KAZN: variants seen among roughly 807,000 people sequenced by gnomAD.
KAZN encodes the protein kazrin.
In KAZN, 40 loss-of-function variants were observed where a neutral mutation model predicts 87.4. That is an observed-to-expected ratio of 0.46 (90% confidence interval 0.36 to 0.60). KAZN has a LOEUF of 0.60. Among genes scored for constraint, KAZN ranks in the 20% least tolerant of loss-of-function variants. The pLI is 0.00. For synonymous variants in KAZN, 466 were observed against 458.3 expected, an observed-to-expected ratio of 1.02 and a Z score of -0.22; for missense variants, 898 against 1,073.9, an observed-to-expected ratio of 0.84 and a Z score of 2.29.
chr1:14,704,726 C>T (rs901196313), intron 1 of KAZN, among the ~76,000 whole-genome samples: 9 of 152,170 alleles, frequency 5.9e-5, no homozygotes, highest in Non-Finnish European at 1.2e-4. Context: ...TGCTCCCTGC[C>T]ACAGGAGGGA....
intron 2 of KAZN, among the ~76,000 whole-genome samples, chr1:14,195,613 G>A (rs190477155): frequency 2.2e-3 from 331 of 151,746 alleles, no homozygotes; most frequent in Non-Finnish European, 4.0e-3. Flanking sequence ...CAATAAACTG[G>A]AAAACTTACA....
In KAZN at chr1:14,251,643, C is replaced by CTTTTTTTT. The variant is rs549092023; in HGVS notation, c.249+71069_249+71076dup. ...AGGCACAGTGAAAAGTTCTCCCGGA[C>CTTTTTTTT]TTTTTTTTTTTTTTTTTTTTTTTTT... On this transcript the variant is annotated intron_variant, in intron 2 of 16. Coordinates refer to the KAZN transcript ENST00000636203. Among the ~76,000 whole-genome samples, 214 of 90,338 alleles carry CTTTTTTTT rather than the reference C, an allele frequency of 2.4e-3. 27 individuals are homozygous for CTTTTTTTT. The highest frequency in any genetic ancestry group is 9.9e-3 in the African/African-American group (169 of 17,086). 59.3% of individuals were successfully genotyped at this position (90,338 alleles called of 152,430 possible). A position where few individuals can be genotyped will look rare whatever the true frequency, so the allele number is the denominator to read the frequency against.
At chr1:14,761,852 A>T (rs1217404023) in intron 1 of KAZN, among the ~76,000 whole-genome samples, 3 of 151,182 alleles carry the variant, frequency 2.0e-5, no homozygotes, top group South Asian at 2.1e-4. Context: ...TTAATTAAAG[A>T]GGGATTTAGG....
Position 14,948,234 on chromosome 1 carries a change from T to C in KAZN, c.227-12450T>C, listed in dbSNP as rs180828803. Among the ~76,000 whole-genome samples, 103 of 152,336 alleles carry C rather than the reference T, an allele frequency of 6.8e-4. 1 individual carries two copies. The highest frequency in any genetic ancestry group is 9.8e-4 in the Admixed American group (15 of 15,296). ...TAAATGAAAAAGGGAATAATTGGCT[T>C]ATGTAACTGAAAAGTTCAGGGATAG... is the stretch of plus-strand genomic sequence containing the variant. On this transcript the variant is annotated intron_variant, in intron 1 of 14. Transcript: ENST00000376030.
intron 1 of KAZN, among the ~76,000 whole-genome samples, chr1:13,981,089 T>TTA (rs1205017791): frequency 0.016 from 986 of 63,116 alleles, 124 homozygotes; most frequent in African/African-American, 0.036. Flanking sequence ...AAATTACTCT[T>TTA]TATATATATA....
At chr1:14,729,038 G>A (rs1023948191) in intron 1 of KAZN, among the ~76,000 whole-genome samples, 1 of 91,678 alleles carries the variant, frequency 1.1e-5, no homozygotes, top group African/African-American at 6.2e-5. Flanking sequence ...GTGACAGATG[G>A]AGAGTGGCCC....
chr1:15,072,944 T>TCCTTAATCCAG (rs1639578212), intron 8 of KAZN, among the ~76,000 whole-genome samples: 1 of 152,134 alleles, frequency 6.6e-6, no homozygotes, highest in Non-Finnish European at 1.5e-5. Flanking sequence ...AGGATTCAAC[T>TCCTTAATCCAG]CCTTAATCCA....
intron 2 of KAZN, among the ~76,000 whole-genome samples, chr1:14,563,331 C>T (rs1176892831): frequency 6.6e-6 from 1 of 152,186 alleles, no homozygotes; most frequent in East Asian, 1.9e-4. Flanking sequence ...GGCCTCACTC[C>T]CAGAGACTCT....
intron 2 of KAZN, among the ~76,000 whole-genome samples, chr1:14,282,627 C>A (rs1405992389): frequency 6.6e-6 from 1 of 152,166 alleles, no homozygotes. Context: ...TGGAGACCGA[C>A]CCTCTTACCA....
chr1:15,067,281 C>T, intron 8 of KAZN: 1 of 985,562 alleles, frequency 1.0e-6, no homozygotes, highest in Non-Finnish European at 1.2e-6. Context: ...CCCAGGATCC[C>T]TTGGACTCCG....
intron 1 of KAZN, among the ~76,000 whole-genome samples, chr1:14,628,358 A>G (rs892115794): frequency 6.6e-6 from 1 of 152,238 alleles, no homozygotes. Context: ...GAAATTTGCC[A>G]AGTCGTTTGG....
At chr1:14,228,096 A>T (rs149536165) in intron 2 of KAZN, among the ~76,000 whole-genome samples, 2 of 151,368 alleles carry the variant, frequency 1.3e-5, no homozygotes, top group Non-Finnish European at 2.9e-5. Flanking sequence ...TGGCACCCTT[A>T]GTCCTCACTC....
At chr1:14,884,306 C>T (rs1390049258) in intron 1 of KAZN, among the ~76,000 whole-genome samples, 3 of 152,016 alleles carry the variant, frequency 2.0e-5, no homozygotes, top group East Asian at 1.9e-4. Flanking sequence ...GCAGGAGAAT[C>T]GCTTGAACCC....
chr1:14,188,122 A>G (rs1189593254), intron 2 of KAZN, among the ~76,000 whole-genome samples: 1 of 151,736 alleles, frequency 6.6e-6, no homozygotes, highest in Admixed American at 6.6e-5. Context: ...CATTTAGATA[A>G]CAGTTCAAAG....
intron 1 of KAZN, among the ~76,000 whole-genome samples, chr1:13,974,909 A>C (rs1638254179): frequency 6.6e-6 from 1 of 151,732 alleles, no homozygotes; most frequent in Non-Finnish European, 1.5e-5. Context: ...CTGCTTTGTT[A>C]ACTCTTTTTT....
intron 1 of KAZN, among the ~76,000 whole-genome samples, chr1:14,175,474 C>G (rs72643189): frequency 0.12 from 18,525 of 152,192 alleles, 1,259 homozygotes; most frequent in East Asian, 0.34. Context: ...TTTGAGCAGA[C>G]AGGGAGGTGC....
chr1:14,837,666 C>T (rs1332799443), intron 1 of KAZN, among the ~76,000 whole-genome samples: 3 of 151,736 alleles, frequency 2.0e-5, no homozygotes, highest in Non-Finnish European at 4.4e-5. Flanking sequence ...GATCCTCCCA[C>T]CTCAGCCTCC....
chr1:14,381,459 A>G (rs762874096), intron 2 of KAZN, among the ~76,000 whole-genome samples: 12 of 152,222 alleles, frequency 7.9e-5, no homozygotes, highest in Non-Finnish European at 1.8e-4. Flanking sequence ...TCAACAACAC[A>G]TTAAAAAGAC....
chr1:14,116,298 T>G (rs537354190), intron 1 of KAZN, among the ~76,000 whole-genome samples: 4 of 152,162 alleles, frequency 2.6e-5, no homozygotes, highest in Non-Finnish European at 5.9e-5. Flanking sequence ...AAAGTGGTTT[T>G]GTGGAACAGG....
Sources: allele counts gnomAD v4.1 joint callset (sites outside exome capture counted in the v4.1 genomes callset), GRCh38; gene constraint gnomAD v4.1.1; transcripts MANE v1.5; gene names NCBI Gene and HGNC (gene_info 2026-07-23, HGNC 2026-07-21).